The following AXDND1 variants were observed in gnomAD, a reference collection of about 807,000 sequenced individuals.
AXDND1 encodes axonemal dynein light chain domain containing 1.
A neutral mutation model predicts 137.5 loss-of-function variants in AXDND1; 110 were observed. The observed-to-expected ratio is 0.80, with a 90% CI of 0.69 to 0.94. The LOEUF is 0.94. Ranked by LOEUF, AXDND1 falls within the 40% of genes least tolerant of loss-of-function variation. The pLI is 0.00. For synonymous variants in AXDND1, 414 were observed against 399.7 expected (o/e 1.04, Z -0.43); for missense variants, 1,191 against 1,169.8 (o/e 1.02, Z -0.26).
chr1:179,516,413 C>T (rs60323829), intron 21 of AXDND1, among the ~76,000 whole-genome samples: 8 of 152,150 alleles, frequency 5.3e-5, no homozygotes, highest in African/African-American at 1.7e-4. Context: ...TGGTGCCTCC[C>T]TGATTAGCTT....
rs767601125 is a variant in AXDND1 at position 179,393,906 on chromosome 1, G to A, written c.867G>A (p.Glu289=). 1 of 1,591,960 alleles carries A rather than the reference G, an allele frequency of 6.3e-7. No homozygotes were observed. Among genetic ancestry groups the A allele is most frequent in the South Asian group, 1.2e-5 (1 of 86,894 alleles). ...TTTTTGGTTGTTTGTCATGCAGAGA[G>A]AGGTATGTGCAAATGCTTGACCAGA... The part of the protein sequence containing the change: ...DRGELLSKVR[E]RYVQMLDQIA... Residue 289 remains glutamate, a synonymous_variant, in exon 10 of 26, where the codon GAG becomes GAA. Coordinates refer to ENST00000367618, the MANE Select transcript of AXDND1 (RefSeq NM_144696.6).
intron 12 of AXDND1, among the ~76,000 whole-genome samples, chr1:179,424,426 CTTTTT>C (rs139043229): frequency 9.3e-6 from 1 of 107,800 alleles, no homozygotes. Context: ...TTTCTATTAT[CTTTTT>C]TTTTTTTTTT....
rs12405133 is a variant in AXDND1 at position 179,395,237 on chromosome 1, G to T, written c.1109+35G>T. On this transcript the variant is annotated intron_variant, in intron 11 of 25. Coordinates refer to ENST00000367618, the MANE Select transcript of AXDND1 (RefSeq NM_144696.6). ...TTAAAGTTTGTTTAGCTTACATAGGGGAAAAGGAAGAAGCTTATATAGCTT... is the reference window on the plus strand; with the variant it reads ...TTAAAGTTTGTTTAGCTTACATAGGTGAAAAGGAAGAAGCTTATATAGCTT... 7 of 1,542,674 alleles carry T rather than the reference G, an allele frequency of 4.5e-6. No individual in the cohort carries two copies. The South Asian group carries it at 4.6e-5, about 10-fold the overall frequency.
At chr1:179,392,318 T>C (rs1201979465) in intron 9 of AXDND1, among the ~76,000 whole-genome samples, 2 of 152,268 alleles carry the variant, frequency 1.3e-5, no homozygotes, top group Non-Finnish European at 2.9e-5. Context: ...TTTCATCTTA[T>C]AGCTAAGTAG....
intron 21 of AXDND1, among the ~76,000 whole-genome samples, chr1:179,514,159 T>G (rs543399106): frequency 6.6e-6 from 1 of 152,268 alleles, no homozygotes; most frequent in East Asian, 1.9e-4. Flanking sequence ...AGGTGTGACC[T>G]TAGAATGTCG....
chr1:179,484,302 G>C (rs1227860817), intron 18 of AXDND1, among the ~76,000 whole-genome samples: 4 of 152,158 alleles, frequency 2.6e-5, no homozygotes, highest in African/African-American at 9.7e-5. Flanking sequence ...AGCATCTATA[G>C]TGGAGCACAG....
chr1:179,535,965 G>A (rs1671515515), intron 25 of AXDND1, among the ~76,000 whole-genome samples: 1 of 152,162 alleles, frequency 6.6e-6, no homozygotes, highest in Non-Finnish European at 1.5e-5. Context: ...TGCATTCTTT[G>A]ATGACCAGTG....
At position 179,487,307 on chromosome 1, in the gene AXDND1, C is replaced by T. The variant is rs1220380935; in HGVS notation, c.2091+4086C>T. Reference sequence around the variant, plus strand: ...GCTGTCTAAAACACTGGCCACTAAACGTTTTTTATTATGTACCTCCATTAG... The same window carrying T: ...GCTGTCTAAAACACTGGCCACTAAATGTTTTTTATTATGTACCTCCATTAG... On this transcript the variant is annotated intron_variant, in intron 18 of 25. Transcript: ENST00000367618. Among the ~76,000 whole-genome samples the T allele has an allele frequency of 2.7e-5, 4 of 148,422 alleles. No homozygotes were observed. In the South Asian group the frequency reaches 6.3e-4, roughly 23 times the overall value.
chr1:179,476,555 G>T (rs939424606), intron 17 of AXDND1, among the ~76,000 whole-genome samples: 1 of 103,560 alleles, frequency 9.7e-6, no homozygotes, highest in Admixed American at 1.0e-4. Context: ...CAAATTCTTC[G>T]GTTTTTTTTT....
intron 25 of AXDND1, chr1:179,551,422 A>G: frequency 6.2e-7 from 1 of 1,613,884 alleles, no homozygotes; most frequent in South Asian, 1.1e-5. Context: ...GGGACTCAGA[A>G]GCAGCCTTTT....
At chr1:179,408,428 G>A (rs111845435) in intron 11 of AXDND1, among the ~76,000 whole-genome samples, 156 of 151,684 alleles carry the variant, frequency 1.0e-3, no homozygotes, top group South Asian at 4.4e-3. Context: ...CCAGGCTGGA[G>A]TGTACTGGTG....
intron 20 of AXDND1, among the ~76,000 whole-genome samples, chr1:179,505,596 C>T (rs1037477325): frequency 2.0e-5 from 3 of 150,350 alleles, no homozygotes; most frequent in Non-Finnish European, 3.0e-5. Flanking sequence ...TGTGCCGAGC[C>T]GAGATTGCTC....
At chr1:179,476,489 G>A (rs1191092211) in intron 17 of AXDND1, among the ~76,000 whole-genome samples, 1 of 151,226 alleles carries the variant, frequency 6.6e-6, no homozygotes, top group Non-Finnish European at 1.5e-5. Flanking sequence ...TGTGGTCATT[G>A]CTTTCAGCCT....
chr1:179,491,810 T>G (rs1171923858), intron 19 of AXDND1, 73 bp downstream of exon 19: 2 of 1,266,908 alleles, frequency 1.6e-6, no homozygotes, highest in Non-Finnish European at 2.2e-6. Flanking sequence ...GACAGTGAAG[T>G]AGTAGCAATA....
rs1665790232 is a variant in AXDND1 at position 179,484,461 on chromosome 1, C to G, written c.2091+1240C>G. Among the ~76,000 whole-genome samples the G allele has an allele frequency of 2.0e-5, 3 of 152,170 alleles. No individual in the cohort carries two copies. In the South Asian group the frequency reaches 6.2e-4, roughly 32 times the overall value. On this transcript the variant is annotated intron_variant, in intron 18 of 25. Coordinates refer to ENST00000367618, the MANE Select transcript of AXDND1 (RefSeq NM_144696.6). ...CACCCCCCTGTCTTGTGGACTCTCC[C>G]AGGACTCCAGCCTGACCATGCCTGT...
At chr1:179,435,583 A>G (rs9970948) in intron 15 of AXDND1, among the ~76,000 whole-genome samples, 16,096 of 152,224 alleles carry the variant, frequency 0.11, 975 homozygotes, top group African/African-American at 0.14. Flanking sequence ...TGACAAAAAC[A>G]TGCAATGGGG....
At chr1:179,548,285 A>C (rs1218692321) in intron 25 of AXDND1, among the ~76,000 whole-genome samples, 2 of 152,234 alleles carry the variant, frequency 1.3e-5, no homozygotes, top group African/African-American at 4.8e-5. Flanking sequence ...TACCTTGTGC[A>C]AGCATTGTGC....
At chr1:179,539,908 G>C (rs369524945) in intron 25 of AXDND1, among the ~76,000 whole-genome samples, 1 of 151,506 alleles carries the variant, frequency 6.6e-6, no homozygotes, top group South Asian at 2.1e-4. Flanking sequence ...TTTTTTCTCT[G>C]ATCTTTTCTT....
At chr1:179,496,922 T>C (rs536270577) in intron 20 of AXDND1, among the ~76,000 whole-genome samples, 16 of 152,252 alleles carry the variant, frequency 1.1e-4, no homozygotes, top group African/African-American at 3.6e-4. Flanking sequence ...TTAAAATACA[T>C]TTTAATATCC....
Sources: gnomAD v4.1 joint callset for allele counts (sites outside exome capture counted in the v4.1 genomes callset) on GRCh38, gnomAD v4.1.1 for gene constraint, MANE v1.5 for transcripts, NCBI Gene and HGNC (gene_info 2026-07-23, HGNC 2026-07-21) for gene names.